Variants in RDH8 observed in about 807,000 individuals in gnomAD.
The protein encoded by RDH8 is photoreceptor outer segment all-trans retinol dehydrogenase.
Under a neutral mutation model 22.3 loss-of-function variants are expected in RDH8, and 14 were observed. The ratio of observed to expected loss-of-function variants is 0.63; its 90% CI spans 0.42 to 0.98. The LOEUF (loss-of-function observed/expected upper bound fraction) is 0.98, where lower values mean the gene tolerates loss of function less well. RDH8 is among the 50% of genes least tolerant of loss of function. The pLI, the probability that RDH8 is intolerant of heterozygous loss-of-function variation, is 0.00. For synonymous variants in RDH8, 175 were observed against 171.7 expected (o/e 1.02, Z -0.15); for missense variants, 389 against 409.8 (o/e 0.95, Z 0.44).
chr19:10,021,370 G>A lies in RDH8; in HGVS notation c.652G>A (p.Asp218Asn). The A allele has an allele frequency of 6.2e-7, 1 of 1,613,964 alleles. No individual in the cohort carries two copies. Among genetic ancestry groups the A allele is most frequent in the Non-Finnish European group, 8.5e-7 (1 of 1,180,010 alleles). The change falls in exon 5 of 6, where the codon GAC (aspartate) becomes AAC (asparagine). Residue 218 changes from aspartate (D) to asparagine (N), a missense_variant. By Grantham distance (23) the Asp-to-Asn change is conservative (BLOSUM62 1). Transcript: ENST00000591589. Reference protein sequence around the residue: ...TDPETLHYFRDLYLPASRKLF... With the variant: ...TDPETLHYFRNLYLPASRKLF... ...CCCTGAGACCCTGCACTACTTCCGGGACCTCTATCTCCCAGCCTCCAGGAA... is the reference window on the plus strand; with the variant it reads ...CCCTGAGACCCTGCACTACTTCCGGAACCTCTATCTCCCAGCCTCCAGGAA...
chr19:10,021,770 C>T lies in RDH8; in HGVS notation c.*21C>T, dbSNP rs768651450. On this transcript the variant is annotated 3_prime_UTR_variant, in exon 6 of 6. Coordinates refer to ENST00000591589, the MANE Select transcript of RDH8 (RefSeq NM_015725.4). ...GATGAGCAGAACAGAGCTTCACGAT[C>T]CCCATCCCTGAACAACCAGACCTCT... The T allele has an allele frequency of 6.2e-7, 1 of 1,607,002 alleles. No homozygotes were observed. The highest frequency in any genetic ancestry group is 1.1e-5 in the South Asian group (1 of 90,902).
chr19:10,020,358 G>GAGGGAGCGAGGGAGGAAGGA (rs760823041), intron 3 of RDH8, among the ~76,000 whole-genome samples: 11,861 of 133,988 alleles, frequency 0.089, 768 homozygotes, highest in Middle Eastern at 0.15. Context: ...GGGAGGGAGG[G>GAGGGAGCGAGGGAGGAAGGA]AGGAAGGAAG....
At chr19:10,019,809 T>A (rs945030142) in intron 3 of RDH8, among the ~76,000 whole-genome samples, 1 of 135,524 alleles carries the variant, frequency 7.4e-6, no homozygotes, top group Non-Finnish European at 1.6e-5. Flanking sequence ...CTAAAAAAAA[T>A]AAATAAATAA....
chr19:10,018,879 CGTG>C lies in RDH8; in HGVS notation c.415_417del (p.Val139del). The C allele has an allele frequency of 6.2e-7, 1 of 1,612,908 alleles. No individual in the cohort carries two copies. The highest frequency in any genetic ancestry group is 8.5e-7 in the Non-Finnish European group (1 of 1,179,238). On this transcript the variant is annotated inframe_deletion, in exon 3 of 6. Transcript: ENST00000591589. ...TGAAGAGGAGGCGGCAGGGCCACATCGTGGTGATCAGCAGTGTCATGGGCCTGC... is the reference window on the plus strand; with the variant it reads ...TGAAGAGGAGGCGGCAGGGCCACATCGTGATCAGCAGTGTCATGGGCCTGC...
intron 3 of RDH8, 62 bp downstream of exon 3, chr19:10,018,972 G>A (rs956099582): frequency 7.1e-7 from 1 of 1,405,458 alleles, no homozygotes; most frequent in Non-Finnish European, 9.8e-7. Flanking sequence ...CAGACTGGGA[G>A]GATGGCGAAT....
intron 2 of RDH8, among the ~76,000 whole-genome samples, chr19:10,017,563 G>A (rs1305068869): frequency 1.3e-5 from 2 of 152,180 alleles, no homozygotes; most frequent in Admixed American, 6.5e-5. Flanking sequence ...AGGCCAAGGT[G>A]GGAGGATCCC....
chr19:10,016,247 C>T lies in RDH8; in HGVS notation c.104-810C>T, dbSNP rs926858715. ...CTGCAAGCTCCGCCTCCCGGGTTCA[C>T]GCCATTCTCCTGCCTCAGCCTCCCA... is the stretch of plus-strand genomic sequence containing the variant. On this transcript the variant is annotated intron_variant, in intron 1 of 5. Coordinates refer to ENST00000591589, the MANE Select transcript of RDH8 (RefSeq NM_015725.4). Among the ~76,000 whole-genome samples the T allele has an allele frequency of 1.7e-4, 25 of 148,830 alleles. 1 individual carries two copies. Among genetic ancestry groups the T allele is most frequent in the Admixed American group, 1.3e-3 (19 of 14,962 alleles).
At position 10,021,785 on chromosome 19, in the gene RDH8, A is replaced by G. The variant is rs546238607; in HGVS notation, c.*36A>G. 80 of 1,587,252 alleles carry G rather than the reference A, an allele frequency of 5.0e-5. No homozygotes were observed. The South Asian group carries it at 8.4e-4, about 17-fold the overall frequency. ...GCTTCACGATCCCCATCCCTGAACA[A>G]CCAGACCTCTTCATTCCACATCTAA... On this transcript the variant is annotated 3_prime_UTR_variant, in exon 6 of 6. Transcript: ENST00000591589.
intron 2 of RDH8, 91 bp from the exon 3 acceptor site, chr19:10,018,640 G>C: frequency 9.6e-7 from 1 of 1,038,460 alleles, no homozygotes; most frequent in Non-Finnish European, 1.4e-6. Context: ...CTTGGACTTG[G>C]AGTACGGGGT....
At chr19:10,019,821 T>TAAACACAC (rs1555744663) in intron 3 of RDH8, among the ~76,000 whole-genome samples, 1 of 150,148 alleles carries the variant, frequency 6.7e-6, no homozygotes, top group Non-Finnish European at 1.5e-5. Flanking sequence ...AATAAATAAG[T>TAAACACAC]AAACAAACAA....
chr19:10,017,149 G>A lies in RDH8; in HGVS notation c.196G>A (p.Asp66Asn), dbSNP rs575624763. Residue 66 changes from aspartate to asparagine, a missense_variant, in exon 2 of 6, where the codon GAC (aspartate) becomes AAC (asparagine). By Grantham distance (23) the Asp-to-Asn change is conservative. Transcript: ENST00000591589. ...LGQTLTVAQLDVCSDESVAQC... is the reference protein window; with the variant it reads ...LGQTLTVAQLNVCSDESVAQC... ...GCAGACCCTCACCGTGGCCCAGCTGGACGTGTGCAGTGATGAGTCGGTGGC... is the reference window on the plus strand; with the variant it reads ...GCAGACCCTCACCGTGGCCCAGCTGAACGTGTGCAGTGATGAGTCGGTGGC... 1.2e-6 allele frequency: 2 copies of A among 1,611,884 alleles called. No homozygotes were observed. The highest frequency in any genetic ancestry group is 2.7e-5 in the African/African-American group (2 of 75,016).
chr19:10,020,688 T>C (rs755594889), intron 3 of RDH8, 21 bp from the exon 4 acceptor site: 15 of 1,564,888 alleles, frequency 9.6e-6, no homozygotes. Context: ...CAAAGAGCTC[T>C]CCTCCCTCTG....
chr19:10,014,901 C>T (rs1006731987), intron 1 of RDH8, among the ~76,000 whole-genome samples: 1 of 152,120 alleles, frequency 6.6e-6, no homozygotes, highest in Non-Finnish European at 1.5e-5. Context: ...CAAGGTCTCC[C>T]AGCTGCAAAG....
In RDH8 at chr19:10,021,444, T is replaced by C; in HGVS notation, c.720+6T>C. 4 of 1,613,942 alleles carry C rather than the reference T, an allele frequency of 2.5e-6. No homozygotes were observed. The highest frequency in any genetic ancestry group is 1.6e-4 in the Middle Eastern group (1 of 6,062). ...ACCCACAGGACGTGGTTCAGGTGAG[T>C]GAAGGGCCCAGAGCCCCAAGACGTG... On this transcript the variant is annotated splice_donor_region_variant and intron_variant, in intron 5 of 5. Transcript: ENST00000591589.
chr19:10,018,686 A>C (rs1175336963), intron 2 of RDH8, 45 bp from the exon 3 acceptor site: 2 of 1,484,958 alleles, frequency 1.3e-6, no homozygotes, highest in African/African-American at 2.8e-5. Flanking sequence ...GTAATGCTAG[A>C]AGAGTGAGGG....
At chr19:10,016,180 C>A (rs2087614003) in intron 1 of RDH8, among the ~76,000 whole-genome samples, 1 of 150,974 alleles carries the variant, frequency 6.6e-6, no homozygotes, top group Admixed American at 6.6e-5. Flanking sequence ...GACAGTCTCG[C>A]TCTGTTGCCA....
In RDH8 at chr19:10,017,137, G is replaced by A. The variant is rs201724642; in HGVS notation, c.184G>A (p.Val62Met). 4.0e-4 allele frequency: 645 copies of A among 1,611,424 alleles called. 1 individual carries two copies. Among genetic ancestry groups the A allele is most frequent in the Middle Eastern group, 1.3e-3 (8 of 6,056 alleles). Residue 62 changes from valine to methionine, a missense_variant, in exon 2 of 6, where the codon GTG becomes ATG. Coordinates refer to ENST00000591589, the MANE Select transcript of RDH8 (RefSeq NM_015725.4). ...GGAGGCTCTGGGGCAGACCCTCACC[G>A]TGGCCCAGCTGGACGTGTGCAGTGA... ...AGEALGQTLT[V>M]AQLDVCSDES...
In RDH8 at chr19:10,022,110, C is replaced by T. The variant is rs1157628972; in HGVS notation, c.*361C>T. ...ACCTCGTGACTTCATGATCCTGGGC[C>T]TGAGAACACAGGAATGATTCATAGC... On this transcript the variant is annotated 3_prime_UTR_variant, in exon 6 of 6. Coordinates refer to ENST00000591589, the MANE Select transcript of RDH8 (RefSeq NM_015725.4). 6 of 269,088 alleles carry T rather than the reference C, an allele frequency of 2.2e-5. No homozygotes were observed. The Admixed American group carries it at 3.0e-4, about 13-fold the overall frequency. 16.7% of individuals were successfully genotyped at this position (269,088 alleles called of 1,614,324 possible).
intron 3 of RDH8, 37 bp downstream of exon 3, chr19:10,018,947 G>A (rs750905936): frequency 6.5e-7 from 1 of 1,546,504 alleles, no homozygotes; most frequent in Admixed American, 1.8e-5. Context: ...AATCCCACCA[G>A]TGTCTGATCC....
Sources: allele counts gnomAD v4.1 joint callset (sites outside exome capture counted in the v4.1 genomes callset), GRCh38; gene constraint gnomAD v4.1.1; transcripts MANE v1.5; gene names NCBI Gene and HGNC (gene_info 2026-07-23, HGNC 2026-07-21).